Variants in TCF20 observed in about 807,000 individuals in gnomAD.
The protein encoded by TCF20 is transcription factor 20, also known as SPRE-binding protein.
Under a neutral mutation model 148.6 loss-of-function variants are expected in TCF20, and 3 were observed. The ratio of observed to expected loss-of-function variants is 0.02; its 90% CI spans 0.01 to 0.05. The LOEUF (loss-of-function observed/expected upper bound fraction) is 0.05. Among genes scored for constraint, TCF20 ranks in the 10% least tolerant of loss-of-function variants. The pLI, the probability that TCF20 is intolerant of heterozygous loss-of-function variation, is 1.00. For synonymous variants in TCF20, 1,049 were observed against 909.5 expected (o/e 1.15, Z -2.76); for missense variants, 2,350 against 2,429.3 (o/e 0.97, Z 0.69).
chr22:42,236,111 G>T (rs998911172), intron 1 of TCF20, among the ~76,000 whole-genome samples: 1 of 149,952 alleles, frequency 6.7e-6, no homozygotes, highest in Non-Finnish European at 1.5e-5. Flanking sequence ...AGGAAGCAGA[G>T]GTTGCAGTGA....
Position 42,270,406 on chromosome 22 carries a change from G to A in TCF20, c.-104C>T, listed in dbSNP as rs1035735987. 2.7e-5 allele frequency among the ~76,000 whole-genome samples: 4 copies of A among 149,220 alleles called. No homozygotes were observed. The highest frequency in any genetic ancestry group is 9.8e-5 in the African/African-American group (4 of 40,954). On this transcript the variant is annotated 5_prime_UTR_variant, in exon 1 of 6. Coordinates refer to ENST00000677622, the MANE Select transcript of TCF20 (RefSeq NM_001378418.1). ...CGGGCGGGGAGGGAGCGGTGGCGACGGCGGGCGGCGCTGCGCGGGGTGGGG... is the reference window on the plus strand; with the variant it reads ...CGGGCGGGGAGGGAGCGGTGGCGACAGCGGGCGGCGCTGCGCGGGGTGGGG...
intron 5 of TCF20, among the ~76,000 whole-genome samples, chr22:42,164,212 C>CTTTTTTTTTTTTT (rs56079117): frequency 9.6e-5 from 8 of 83,556 alleles, no homozygotes; most frequent in African/African-American, 3.8e-4. Context: ...TCATTTCTTT[C>CTTTTTTTTTTTTT]TTTTTTTTTT....
At position 42,214,343 on chromosome 22, in the gene TCF20, T is replaced by C. The variant is rs761930844; in HGVS notation, c.963A>G (p.Gln321=). Residue 321 remains glutamine (Q), a synonymous_variant, in exon 2 of 6, where the codon CAA becomes CAG. Coordinates refer to ENST00000677622, the MANE Select transcript of TCF20 (RefSeq NM_001378418.1). ...GCATCACATGCTGAGAAGGGTGTTGTTGTTGCTGCGGTTGCTGCTGCTGCT... is the reference window on the plus strand; with the variant it reads ...GCATCACATGCTGAGAAGGGTGTTGCTGTTGCTGCGGTTGCTGCTGCTGCT... The part of the protein sequence containing the change: ...QGQQQQQPQQ[Q]QHPSQHVMQY... 16 of 1,614,024 alleles carry C rather than the reference T, an allele frequency of 9.9e-6. No homozygotes were observed. The highest frequency in any genetic ancestry group is 3.3e-5 in the South Asian group (3 of 91,090).
chr22:42,203,784 G>A (rs1343153038), intron 2 of TCF20, among the ~76,000 whole-genome samples: 1 of 152,198 alleles, frequency 6.6e-6, no homozygotes, highest in African/African-American at 2.4e-5. Context: ...TGGAGAAAGG[G>A]AGTGTGGGAA....
At position 42,299,757 on chromosome 22, in the gene TCF20, AC is replaced by A. The variant is rs1401888862; in HGVS notation, c.-37+43721del. ...CAGGAGGGAAGTGCAATTAGCAGGT[AC>A]CTGGAGTGGGGTCGGTAAGAGAGAA... On this transcript the variant is annotated intron_variant, in intron 1 of 1. Coordinates refer to the TCF20 transcript ENST00000515426. This position sits in a 1 kb window ranked among gnomAD's most constrained non-coding sequence, Gnocchi z 4.1. Among the ~76,000 whole-genome samples, 1 of 151,878 alleles carries A rather than the reference AC, an allele frequency of 6.6e-6. No individual in the cohort carries two copies. Among genetic ancestry groups the A allele is most frequent in the Non-Finnish European group, 1.5e-5 (1 of 67,958 alleles).
intron 1 of TCF20, among the ~76,000 whole-genome samples, chr22:42,260,792 T>C (rs940095618): frequency 6.6e-6 from 1 of 152,188 alleles, no homozygotes; most frequent in Non-Finnish European, 1.5e-5. Flanking sequence ...CCCAAACTTA[T>C]GTTTTGAATA....
intron 1 of TCF20, among the ~76,000 whole-genome samples, chr22:42,255,287 C>A (rs1925669239): frequency 6.6e-6 from 1 of 151,806 alleles, no homozygotes; most frequent in Non-Finnish European, 1.5e-5. Context: ...GAAATCGAGA[C>A]CATCTTGACC....
intron 1 of TCF20, among the ~76,000 whole-genome samples, chr22:42,295,176 C>T (rs1202937010): frequency 6.6e-6 from 1 of 152,154 alleles, no homozygotes; most frequent in Non-Finnish European, 1.5e-5. Context: ...CAGCCTGGGC[C>T]CTTCCTCCTT....
chr22:42,201,763 G>C (rs561041143), intron 2 of TCF20, among the ~76,000 whole-genome samples: 1 of 151,418 alleles, frequency 6.6e-6, no homozygotes, highest in Admixed American at 6.6e-5. Context: ...GGAAGACTCA[G>C]TCTCAAAAAA....
At chr22:42,242,852 A>C (rs949034864) in intron 1 of TCF20, among the ~76,000 whole-genome samples, 3 of 152,090 alleles carry the variant, frequency 2.0e-5, no homozygotes, top group Non-Finnish European at 4.4e-5. Context: ...GCACCACTGC[A>C]CTTCAGCTTG....
At position 42,213,071 on chromosome 22, in the gene TCF20, T is replaced by A; in HGVS notation, c.2235A>T (p.Arg745Ser). ...DFTGHGERKG[R>S]NEKFPSLLQE... is the part of the protein sequence containing the mutation. Reference sequence around the variant, plus strand: ...GCAGGAGGCTTGGGAATTTTTCATTTCTACCCTTTCGTTCCCCATGGCCAG... The same window carrying A: ...GCAGGAGGCTTGGGAATTTTTCATTACTACCCTTTCGTTCCCCATGGCCAG... The change falls in exon 2 of 6, where the codon AGA becomes AGT. Residue 745 changes from arginine to serine, a missense_variant. Arg to Ser is a moderately radical substitution (Grantham distance 110, BLOSUM62 -1). Coordinates refer to ENST00000677622, the MANE Select transcript of TCF20 (RefSeq NM_001378418.1). 6.2e-7 allele frequency: 1 copy of A among 1,614,160 alleles called. No homozygotes were observed. The highest frequency in any genetic ancestry group is 8.5e-7 in the Non-Finnish European group (1 of 1,180,022).
chr22:42,217,670 G>T (rs1244498629), intron 1 of TCF20, among the ~76,000 whole-genome samples: 1 of 152,210 alleles, frequency 6.6e-6, no homozygotes, highest in African/African-American at 2.4e-5. Flanking sequence ...TGACATGAGA[G>T]AATTATAGAA....
At chr22:42,332,388 G>A (rs1451355662) in intron 1 of TCF20, among the ~76,000 whole-genome samples, 1 of 152,188 alleles carries the variant, frequency 6.6e-6, no homozygotes, top group East Asian at 1.9e-4. Flanking sequence ...GAACAGCCAG[G>A]GGGAGGATCT....
chr22:42,298,760 G>T (rs1336530062), intron 1 of TCF20, among the ~76,000 whole-genome samples: 1 of 152,244 alleles, frequency 6.6e-6, no homozygotes, highest in African/African-American at 2.4e-5. Flanking sequence ...CACCCACCTA[G>T]ATGACAAATT....
upstream of TCF20, among the ~76,000 whole-genome samples, chr22:42,285,838 T>C (rs1927021256): frequency 6.6e-6 from 1 of 152,042 alleles, no homozygotes; most frequent in South Asian, 2.1e-4. The surrounding 1 kb of genome is among the most constrained non-coding windows in gnomAD (Gnocchi z 4.2). Context: ...CTCCTCCCCC[T>C]ACTCCCACCA....
chr22:42,201,212 T>C (rs761254518), intron 2 of TCF20, among the ~76,000 whole-genome samples: 2 of 152,244 alleles, frequency 1.3e-5, no homozygotes, highest in African/African-American at 2.4e-5. Flanking sequence ...GCAGGCATCA[T>C]GCTTCCTATA....
intron 1 of TCF20, among the ~76,000 whole-genome samples, chr22:42,259,075 C>T (rs1388612528): frequency 6.6e-6 from 1 of 152,224 alleles, no homozygotes; most frequent in Non-Finnish European, 1.5e-5. Flanking sequence ...TCTCAGTAAT[C>T]TTGTCTACTG....
chr22:42,257,606 A>G (rs955898650), intron 1 of TCF20, among the ~76,000 whole-genome samples: 3 of 152,244 alleles, frequency 2.0e-5, no homozygotes, highest in Non-Finnish European at 2.9e-5. Context: ...TGATGGGGCT[A>G]TAAAAGCAAA....
intron 1 of TCF20, among the ~76,000 whole-genome samples, chr22:42,255,294 G>C (rs1925669723): frequency 6.6e-6 from 1 of 151,850 alleles, no homozygotes; most frequent in Non-Finnish European, 1.5e-5. Flanking sequence ...AGACCATCTT[G>C]ACCAACATGG....
Sources: allele counts gnomAD v4.1 joint callset (sites outside exome capture counted in the v4.1 genomes callset), GRCh38; gene constraint gnomAD v4.1.1; non-coding constraint Gnocchi (gnomAD v3.1); transcripts MANE v1.5; gene names NCBI Gene and HGNC (gene_info 2026-07-23, HGNC 2026-07-21).